Variants in LARGE1 observed in about 807,000 individuals in gnomAD.
LARGE1 encodes the protein xylosyl- and glucuronyltransferase LARGE1.
LARGE1 carries 43 observed loss-of-function variants against 87.6 expected under a neutral mutation model. The observed-to-expected ratio is 0.49, with a 90% CI of 0.38 to 0.63. LARGE1 has a LOEUF of 0.63. LARGE1 is among the 30% of genes least tolerant of loss of function. LARGE1 has a pLI of 0.00. For missense variants in LARGE1, 802 were observed against 1,000.2 expected (o/e 0.80, Z 2.67); for synonymous variants, 434 against 394.6 (o/e 1.10, Z -1.18).
intron 2 of LARGE1, chr22:33,724,237 A>C (rs2083198586): frequency 6.6e-6 from 1 of 152,498 alleles, no homozygotes; most frequent in African/African-American, 2.4e-5. Flanking sequence ...AGACAACCAC[A>C]GGTAGAGAAG....
intron 1 of LARGE1, among the ~76,000 whole-genome samples, chr22:33,843,165 G>A (rs148033021): frequency 2.8e-4 from 42 of 152,154 alleles, no homozygotes; most frequent in African/African-American, 9.4e-4. Context: ...TTGTGAATGG[G>A]TCAGCTCTCC....
In LARGE1 at chr22:33,564,834, T is replaced by C; in HGVS notation, c.787+14A>G. On this transcript the variant is annotated intron_variant, in intron 6 of 14. Coordinates refer to ENST00000397394, the MANE Select transcript of LARGE1 (RefSeq NM_133642.5). Reference sequence around the variant, plus strand: ...ACAAGGATATCGGGGAAAAAACGAATGGGCTACCATTACCTTTGAACTTGT... The same window carrying C: ...ACAAGGATATCGGGGAAAAAACGAACGGGCTACCATTACCTTTGAACTTGT... 1 of 1,613,994 alleles carries C rather than the reference T, an allele frequency of 6.2e-7. No individual in the cohort carries two copies. Among genetic ancestry groups the C allele is most frequent in the East Asian group, 2.2e-5 (1 of 44,848 alleles).
chr22:33,648,581 G>A (rs868344305), intron 3 of LARGE1, among the ~76,000 whole-genome samples: 3 of 152,160 alleles, frequency 2.0e-5, no homozygotes, highest in Non-Finnish European at 2.9e-5. Context: ...ACCAAGGCAA[G>A]AACAGAAGAT....
chr22:33,674,385 A>G (rs1472933111), intron 2 of LARGE1, among the ~76,000 whole-genome samples: 1 of 152,120 alleles, frequency 6.6e-6, no homozygotes, highest in African/African-American at 2.4e-5. Flanking sequence ...TTCACCTACT[A>G]TCATGTCCTT....
At chr22:33,306,593 C>G (rs530526395) in intron 11 of LARGE1, among the ~76,000 whole-genome samples, 2 of 152,256 alleles carry the variant, frequency 1.3e-5, no homozygotes, top group African/African-American at 2.4e-5. Context: ...AACAGAGAGG[C>G]CAGGAGCGGT....
At chr22:33,130,313 CAAAAAAAAAA>C in the LARGE1 span, among the ~76,000 whole-genome samples, 15 of 57,036 alleles carry the variant, frequency 2.6e-4, no homozygotes, top group Admixed American at 5.9e-4. Flanking sequence ...GATTCCGTCT[CAAAAAAAAAA>C]AAAAAAAAAA....
chr22:33,375,430 T>C lies in LARGE1; in HGVS notation c.1131+6489A>G, dbSNP rs191472009. Among the ~76,000 whole-genome samples the C allele has an allele frequency of 4.1e-3, 629 of 152,296 alleles. 3 individuals carry two copies. Among genetic ancestry groups the C allele is most frequent in the African/African-American group, 0.014 (571 of 41,560 alleles). ...TCTGTAAGCCAGGTGGGCAGACCCC[T>C]TGAGGCCAGGAGTTTGAGACCAGCC... On this transcript the variant is annotated intron_variant, in intron 9 of 14. Coordinates refer to ENST00000397394, the MANE Select transcript of LARGE1 (RefSeq NM_133642.5).
chr22:33,593,669 A>C (rs543833714), intron 5 of LARGE1, among the ~76,000 whole-genome samples: 5 of 152,352 alleles, frequency 3.3e-5, no homozygotes, highest in African/African-American at 1.2e-4. Context: ...GACGTTCAAA[A>C]TATATACCAG....
At chr22:33,678,424 A>G (rs979664391) in intron 2 of LARGE1, among the ~76,000 whole-genome samples, 1 of 152,232 alleles carries the variant, frequency 6.6e-6, no homozygotes, top group South Asian at 2.1e-4. Context: ...AGTATAAACC[A>G]CCACCTAAAT....
chr22:33,506,851 A>T (rs984338793), intron 6 of LARGE1, among the ~76,000 whole-genome samples: 4 of 152,184 alleles, frequency 2.6e-5, no homozygotes, highest in African/African-American at 9.7e-5. Context: ...CAGTGAGCCG[A>T]GATCACGCCA....
At chr22:33,805,859 T>A (rs1287535025) in intron 1 of LARGE1, among the ~76,000 whole-genome samples, 2 of 152,226 alleles carry the variant, frequency 1.3e-5, no homozygotes, top group Non-Finnish European at 2.9e-5. Flanking sequence ...TCAAACAATG[T>A]TCACTGTCAC....
At chr22:33,486,523 A>G (rs904925931) in intron 6 of LARGE1, among the ~76,000 whole-genome samples, 6 of 140,980 alleles carry the variant, frequency 4.3e-5, no homozygotes, top group African/African-American at 1.7e-4. Context: ...AGAGACAGAG[A>G]GAGAGACAGA....
At chr22:33,538,229 A>G (rs2077095182) in intron 6 of LARGE1, among the ~76,000 whole-genome samples, 3 of 152,210 alleles carry the variant, frequency 2.0e-5, no homozygotes, top group Non-Finnish European at 2.9e-5. Context: ...CCCCAAGTGG[A>G]AGTAACTCTC....
chr22:33,296,299 CCA>C (rs1933243297), intron 12 of LARGE1, among the ~76,000 whole-genome samples: 2 of 152,210 alleles, frequency 1.3e-5, no homozygotes, highest in Non-Finnish European at 2.9e-5. Context: ...CAACTTTGTG[CCA>C]CAGTTTTCTT....
At chr22:33,773,587 T>A (rs1204089853) in intron 1 of LARGE1, among the ~76,000 whole-genome samples, 2 of 152,188 alleles carry the variant, frequency 1.3e-5, no homozygotes, top group East Asian at 1.9e-4. Context: ...CTTGTCTCTG[T>A]TATATAACAA....
chr22:33,637,486 C>T (rs1443494682), intron 3 of LARGE1, among the ~76,000 whole-genome samples: 1 of 152,128 alleles, frequency 6.6e-6, no homozygotes, highest in Non-Finnish European at 1.5e-5. Flanking sequence ...GGTTTTCATG[C>T]CGTGTAGCCT....
intron 11 of LARGE1, among the ~76,000 whole-genome samples, chr22:33,221,271 A>C (rs1243620537): frequency 1.3e-5 from 2 of 152,166 alleles, no homozygotes; most frequent in East Asian, 3.9e-4. Context: ...ATCTCTAGCA[A>C]GGTCAATTAC....
chr22:33,488,900 T>C (rs532597516), intron 6 of LARGE1, among the ~76,000 whole-genome samples: 3 of 152,318 alleles, frequency 2.0e-5, no homozygotes, highest in South Asian at 4.1e-4. Flanking sequence ...AACACCCAAC[T>C]TGAAAAACTT....
chr22:33,903,780 G>A (rs943287566), intron 1 of LARGE1, among the ~76,000 whole-genome samples: 9 of 152,050 alleles, frequency 5.9e-5, no homozygotes, highest in East Asian at 1.9e-4. Context: ...AACCAAGATC[G>A]CACCACTGCA....
Sources: gnomAD v4.1 joint callset for allele counts (sites outside exome capture counted in the v4.1 genomes callset) on GRCh38, gnomAD v4.1.1 for gene constraint, MANE v1.5 for transcripts, NCBI Gene and HGNC (gene_info 2026-07-23, HGNC 2026-07-21) for gene names.